The following AURKA variants were observed in gnomAD, a reference collection of about 807,000 sequenced individuals.
The protein encoded by AURKA is aurora 2.
AURKA carries 12 observed loss-of-function variants against 40.9 expected under a neutral mutation model. The ratio of observed to expected loss-of-function variants is 0.29; its 90% CI spans 0.19 to 0.48. The LOEUF is 0.48. AURKA is among the 20% of genes least tolerant of loss of function. The probability of loss-of-function intolerance (pLI) is 0.99; values close to 1 mark genes in which losing one functional copy is unlikely to be tolerated. For missense variants in AURKA, 322 were observed against 462.1 expected (o/e 0.70, Z 2.78); for synonymous variants, 170 against 164.3 (o/e 1.03, Z -0.26).
chr20:56,370,401 G>C (rs923344401), intron 8 of AURKA, 61 bp from the exon 9 acceptor site: 1 of 1,613,564 alleles, frequency 6.2e-7, no homozygotes, highest in Non-Finnish European at 8.5e-7. Context: ...AAATAGTATA[G>C]ATGTTCGGAT....
intron 3 of AURKA, 123 bp from the exon 4 acceptor site, chr20:56,384,447 C>CT: frequency 5.4e-6 from 4 of 736,452 alleles, no homozygotes; most frequent in Admixed American, 2.8e-5. Flanking sequence ...AATGATAAAT[C>CT]TGTTTTTTTT....
rs1158140429 is a variant in AURKA at position 56,370,139 on chromosome 20, T to C, written c.*19A>G. 4 of 1,612,030 alleles carry C rather than the reference T, an allele frequency of 2.5e-6. No homozygotes were observed. The highest frequency in any genetic ancestry group is 3.4e-6 in the Non-Finnish European group (4 of 1,179,916). On this transcript the variant is annotated 3_prime_UTR_variant, in exon 9 of 9. Transcript: ENST00000395915. ...TATATGGCAGCCCTGGCTCAAGGAT[T>C]TCTCCCCCTGCACGATTCCTAAGAC...
chr20:56,388,330 T>G, intron 1 of AURKA, 128 bp from the exon 2 acceptor site: 1 of 883,972 alleles, frequency 1.1e-6, no homozygotes, highest in East Asian at 2.4e-5. Flanking sequence ...ACATGTTTTG[T>G]CCAAATGAAG....
intron 1 of AURKA, among the ~76,000 whole-genome samples, chr20:56,390,014 A>G (rs994781690): frequency 6.6e-6 from 1 of 152,128 alleles, no homozygotes; most frequent in Admixed American, 6.5e-5. Flanking sequence ...GAGGCCGGCA[A>G]TCTCATTAAC....
Position 56,377,310 on chromosome 20 carries a change from C to T in AURKA, c.706-3754G>A, listed in dbSNP as rs118127989. Among the ~76,000 whole-genome samples the T allele has an allele frequency of 4.9e-4, 74 of 151,808 alleles. No individual in the cohort carries two copies. The East Asian group carries it at 0.013, about 27-fold the overall frequency. ...AAATAAAAAACAGCCTTGTGAAAGA[C>T]ACAGATAAGAGAACAAAAATACAAG... On this transcript the variant is annotated intron_variant, in intron 6 of 8. Coordinates refer to ENST00000395915, the MANE Select transcript of AURKA (RefSeq NM_198437.3).
chr20:56,378,584 G>A (rs113534578), intron 6 of AURKA, among the ~76,000 whole-genome samples: 31 of 152,276 alleles, frequency 2.0e-4, no homozygotes, highest in African/African-American at 7.2e-4. Context: ...GCATGCAAAT[G>A]TTGACAGCCA....
At chr20:56,389,532 C>T (rs1264665188) in intron 1 of AURKA, among the ~76,000 whole-genome samples, 1 of 152,184 alleles carries the variant, frequency 6.6e-6, no homozygotes, top group African/African-American at 2.4e-5. Flanking sequence ...AGTCTCTTTG[C>T]TTTCAGTACC....
chr20:56,383,731 CA>C (rs1421361958), intron 4 of AURKA, among the ~76,000 whole-genome samples: 1 of 152,204 alleles, frequency 6.6e-6, no homozygotes, highest in African/African-American at 2.4e-5. Context: ...CCGCTAAAAG[CA>C]AAAGAGTCTG....
intron 1 of AURKA, chr20:56,388,449 C>T: frequency 1.8e-6 from 1 of 559,498 alleles, no homozygotes; most frequent in Non-Finnish European, 3.2e-6. Flanking sequence ...TCTTGCTGCT[C>T]CATCATCTCT....
At chr20:56,370,396 G>C (rs924475025) in intron 8 of AURKA, 56 bp from the exon 9 acceptor site, 13 of 1,613,342 alleles carry the variant, frequency 8.1e-6, no homozygotes, top group Middle Eastern at 1.6e-4. Flanking sequence ...AGATCAAATA[G>C]TATAGATGTT....
chr20:56,386,197 G>A (rs1986334606), intron 3 of AURKA, 60 bp downstream of exon 3: 1 of 1,599,414 alleles, frequency 6.3e-7, no homozygotes, highest in African/African-American at 1.3e-5. Flanking sequence ...TATATACACT[G>A]GCTTTTTTAG....
At position 56,381,339 on chromosome 20, in the gene AURKA, G is replaced by A. The variant is rs888408969; in HGVS notation, c.705+94C>T. The A allele has an allele frequency of 4.0e-6, 6 of 1,516,816 alleles. No individual in the cohort carries two copies. The East Asian group carries it at 6.8e-5, about 17-fold the overall frequency. 94.0% of individuals were successfully genotyped at this position (1,516,816 alleles called of 1,614,324 possible). A position where few individuals can be genotyped will look rare whatever the true frequency, so the allele number is the denominator to read the frequency against. On this transcript the variant is annotated intron_variant, in intron 6 of 8. Coordinates refer to ENST00000395915, the MANE Select transcript of AURKA (RefSeq NM_198437.3). ...TGATATTAAGCTATCCTTACGTCAA[G>A]ACAAAACCCACTCTACTATGATGAA...
rs1341448809 is a variant in AURKA at position 56,373,287 on chromosome 20, T to C, written c.854+121A>G. 5 of 1,345,152 alleles carry C rather than the reference T, an allele frequency of 3.7e-6. No individual in the cohort carries two copies. The South Asian group carries it at 4.8e-5, about 13-fold the overall frequency. The allele number at this position is 1,345,152 out of a possible 1,614,324, so 83.3% of individuals were successfully genotyped here. On this transcript the variant is annotated intron_variant, in intron 7 of 8. Transcript: ENST00000395915. This position sits in a 1 kb window ranked among gnomAD's most constrained non-coding sequence, Gnocchi z 5.0. ...AGCCTAAATTACTCCAAAGTACTTC[T>C]GGGTTAGCCACCTACCCCTCTTACA...
At chr20:56,388,504 C>T (rs894877242) in intron 1 of AURKA, 5 of 422,506 alleles carry the variant, frequency 1.2e-5, no homozygotes, top group Admixed American at 7.7e-5. Flanking sequence ...ACTGGCATAC[C>T]TGCTACCTTA....
At chr20:56,384,867 G>A (rs1287061941) in intron 3 of AURKA, among the ~76,000 whole-genome samples, 1 of 152,164 alleles carries the variant, frequency 6.6e-6, no homozygotes, top group African/African-American at 2.4e-5. Flanking sequence ...GAGGACTGGG[G>A]TAACTATTTC....
rs1555850582 is a variant in AURKA, at chr20:56,373,309, T to TAA, written c.854+98_854+99insTT. ...TTCTGGGTTAGCCACCTACCCCTCT[T>TAA]ACAGCACAAAATCTACACTGAAATA... is the stretch of plus-strand genomic sequence containing the variant. On this transcript the variant is annotated intron_variant, in intron 7 of 8. Transcript: ENST00000395915. The surrounding 1 kb of genome is among the most constrained non-coding windows in gnomAD (Gnocchi z 5.0). The TAA allele has an allele frequency of 3.2e-6, 5 of 1,578,740 alleles. No individual in the cohort carries two copies. The highest frequency in any genetic ancestry group is 4.3e-6 in the Non-Finnish European group (5 of 1,151,076).
At chr20:56,387,615 A>G (rs1002152980) in intron 2 of AURKA, among the ~76,000 whole-genome samples, 4 of 152,356 alleles carry the variant, frequency 2.6e-5, no homozygotes, top group Admixed American at 6.5e-5. Context: ...TAGAAATGAA[A>G]GCCTCAAAGT....
In AURKA at chr20:56,369,419, A is replaced by G. The variant is rs2146114024; in HGVS notation, c.*739T>C. ...TAGATACTTATTTATTTGCATATTT[A>G]AAGTTTACACACATGCTATGACTCC... On this transcript the variant is annotated 3_prime_UTR_variant, in exon 9 of 9. Coordinates refer to ENST00000395915, the MANE Select transcript of AURKA (RefSeq NM_198437.3). 1 of 231,612 alleles carries G rather than the reference A, an allele frequency of 4.3e-6. No individual in the cohort carries two copies. The highest frequency in any genetic ancestry group is 8.5e-6 in the Non-Finnish European group (1 of 117,144). 14.3% of individuals were successfully genotyped at this position (231,612 alleles called of 1,614,324 possible).
rs753998309 is a variant in AURKA at position 56,384,241 on chromosome 20, T to A, written c.374+29A>T. On this transcript the variant is annotated intron_variant, in intron 4 of 8. Coordinates refer to ENST00000395915, the MANE Select transcript of AURKA (RefSeq NM_198437.3). Reference sequence around the variant, plus strand: ...GAAATAATATATTCTAGTAGAACAGTACAGAACTTTGTAAATAAGAAAGCT... The same window carrying A: ...GAAATAATATATTCTAGTAGAACAGAACAGAACTTTGTAAATAAGAAAGCT... 1.9e-6 allele frequency: 3 copies of A among 1,564,062 alleles called. No individual in the cohort carries two copies. In the South Asian group the frequency reaches 3.3e-5, roughly 17 times the overall value.
Sources: allele counts gnomAD v4.1 joint callset (sites outside exome capture counted in the v4.1 genomes callset), GRCh38; gene constraint gnomAD v4.1.1; non-coding constraint Gnocchi (gnomAD v3.1); transcripts MANE v1.5; gene names NCBI Gene and HGNC (gene_info 2026-07-23, HGNC 2026-07-21).